The following POU6F2 variants were observed in gnomAD, a reference collection of about 807,000 sequenced individuals.
POU6F2 encodes POU class 6 homeobox 2.
In POU6F2, 31 loss-of-function variants were observed where a neutral mutation model predicts 71.3. That is an observed-to-expected ratio of 0.43 (90% CI 0.33 to 0.59). The LOEUF (loss-of-function observed/expected upper bound fraction) is 0.59, where lower values mean the gene tolerates loss of function less well. Ranked by LOEUF, POU6F2 falls within the 20% of genes least tolerant of loss-of-function variation. The probability of loss-of-function intolerance (pLI) is 0.04; values close to 1 mark genes in which losing one functional copy is unlikely to be tolerated. For synonymous variants in POU6F2, 347 were observed against 355.7 expected (o/e 0.98, Z 0.27); for missense variants, 783 against 856.8 (o/e 0.91, Z 1.07).
At chr7:39,259,300 A>T (rs149317424) in intron 4 of POU6F2, among the ~76,000 whole-genome samples, 1 of 152,174 alleles carries the variant, frequency 6.6e-6, no homozygotes, top group Non-Finnish European at 1.5e-5. Context: ...GTTTACTCAG[A>T]TGTAATCCTG....
chr7:39,456,071 T>G (rs1788795327), intron 8 of POU6F2, among the ~76,000 whole-genome samples: 1 of 152,200 alleles, frequency 6.6e-6, no homozygotes, highest in Non-Finnish European at 1.5e-5. Flanking sequence ...CTTTAATATA[T>G]CAGGCTCATG....
At chr7:39,077,393 T>A (rs1791023325) in intron 1 of POU6F2, among the ~76,000 whole-genome samples, 1 of 152,230 alleles carries the variant, frequency 6.6e-6, no homozygotes, top group African/African-American at 2.4e-5. Flanking sequence ...TTTGTAGAAG[T>A]CCAGAACTGG....
At chr7:39,263,396 T>G (rs1230530191) in intron 4 of POU6F2, among the ~76,000 whole-genome samples, 1 of 152,172 alleles carries the variant, frequency 6.6e-6, no homozygotes, top group Non-Finnish European at 1.5e-5. Flanking sequence ...GCAGTCAAGG[T>G]TTTTTTCTTT....
At chr7:39,085,778 A>G in intron 1 of POU6F2, 82 bp from the exon 2 acceptor site, 1 of 1,354,450 alleles carries the variant, frequency 7.4e-7, no homozygotes, top group South Asian at 1.3e-5. Flanking sequence ...GAGAGAAGAG[A>G]GAGGGAGAGG....
rs187862340 is a variant in POU6F2, at chr7:39,325,070, A to G, written c.599-14572A>G. Among the ~76,000 whole-genome samples, 133 of 152,344 alleles carry G rather than the reference A, an allele frequency of 8.7e-4. No individual in the cohort carries two copies. The Middle Eastern group carries it at 0.01, about 12-fold the overall frequency. ...GAATAATAATAATATTTATGATATG[A>G]GTAACTTTTAGCATTAACACGAGTA... is the stretch of plus-strand genomic sequence containing the variant. On this transcript the variant is annotated intron_variant, in intron 4 of 9. Coordinates refer to ENST00000518318, the MANE Select transcript of POU6F2 (RefSeq NM_001370959.1).
intron 4 of POU6F2, among the ~76,000 whole-genome samples, chr7:39,295,636 G>A (rs940861840): frequency 6.6e-6 from 1 of 152,166 alleles, no homozygotes; most frequent in Non-Finnish European, 1.5e-5. Context: ...GTTGGATATG[G>A]GAAAGAAGAG....
At chr7:39,018,019 A>G (rs1050066024) in intron 1 of POU6F2, among the ~76,000 whole-genome samples, 108 of 152,250 alleles carry the variant, frequency 7.1e-4, no homozygotes, top group African/African-American at 2.5e-3. Flanking sequence ...CAAATGTAGC[A>G]AACTTACGGT....
chr7:39,064,894 T>G (rs1160781480), intron 1 of POU6F2, among the ~76,000 whole-genome samples: 1 of 151,738 alleles, frequency 6.6e-6, no homozygotes, highest in African/African-American at 2.4e-5. Flanking sequence ...ACATTACACA[T>G]CAAATAACAA....
intron 1 of POU6F2, among the ~76,000 whole-genome samples, chr7:39,056,676 G>A (rs373404768): frequency 4.2e-5 from 5 of 120,426 alleles, no homozygotes; most frequent in African/African-American, 1.2e-4. Flanking sequence ...GTGTGTGTGT[G>A]TATGTGTGTG....
chr7:39,465,438 T>TG lies in POU6F2; in HGVS notation c.*752_*753insG. The TG allele has an allele frequency of 6.6e-6, 1 of 152,280 alleles. No homozygotes were observed. Among genetic ancestry groups the TG allele is most frequent in the Non-Finnish European group, 1.5e-5 (1 of 68,040 alleles). The allele number at this position is 152,280 out of a possible 1,614,324, so 9.4% of individuals were successfully genotyped here. On this transcript the variant is annotated 3_prime_UTR_variant, in exon 10 of 10. Coordinates refer to ENST00000518318, the MANE Select transcript of POU6F2 (RefSeq NM_001370959.1). ...TGGGGGTGGTAGGGAGGGTGGTCTTTTTTCTTTGTCTTTCTTTTTGACGGG... is the reference window on the plus strand; with the variant it reads ...TGGGGGTGGTAGGGAGGGTGGTCTTTGTTTCTTTGTCTTTCTTTTTGACGGG...
chr7:39,400,555 T>G (rs1787275480), intron 5 of POU6F2, among the ~76,000 whole-genome samples: 1 of 152,174 alleles, frequency 6.6e-6, no homozygotes, highest in South Asian at 2.1e-4. Context: ...CTGTCAGGTA[T>G]AGGGTATGAC....
At chr7:38,990,775 T>C (rs558639883) in intron 1 of POU6F2, among the ~76,000 whole-genome samples, 1 of 152,238 alleles carries the variant, frequency 6.6e-6, no homozygotes, top group South Asian at 2.1e-4. Flanking sequence ...GGGGACATGG[T>C]CATTGTTCAA....
intron 2 of POU6F2, among the ~76,000 whole-genome samples, chr7:39,133,422 A>G (rs1792329368): frequency 6.6e-6 from 1 of 152,250 alleles, no homozygotes; most frequent in Non-Finnish European, 1.5e-5. Context: ...CTTATCTGCA[A>G]TGAGTAGTCA....
intron 5 of POU6F2, among the ~76,000 whole-genome samples, chr7:39,402,333 A>C (rs1235839928): frequency 6.6e-6 from 1 of 152,204 alleles, no homozygotes; most frequent in East Asian, 1.9e-4. Flanking sequence ...ATTTATTCTC[A>C]TTATGAGATG....
In POU6F2 at chr7:39,328,434, T is replaced by C. The variant is rs1331702308; in HGVS notation, c.599-11208T>C. On this transcript the variant is annotated intron_variant, in intron 4 of 9. Transcript: ENST00000518318. ...GGGAACAAATATCTATTGTTGACTT[T>C]TCAAGAGAAGGTTCATGCCACAGTT... Among the ~76,000 whole-genome samples the C allele has an allele frequency of 3.3e-5, 5 of 152,340 alleles. 1 individual carries two copies. Among genetic ancestry groups the C allele is most frequent in the South Asian group, 4.1e-4 (2 of 4,830 alleles).
At chr7:39,439,256 G>T (rs1788330285) in intron 7 of POU6F2, among the ~76,000 whole-genome samples, 1 of 151,096 alleles carries the variant, frequency 6.6e-6, no homozygotes, top group Non-Finnish European at 1.5e-5. Context: ...GTGTGTCTTT[G>T]CACATGAGAT....
At chr7:39,213,384 T>TTTTG (rs2128747086) in intron 4 of POU6F2, among the ~76,000 whole-genome samples, 1 of 152,334 alleles carries the variant, frequency 6.6e-6, no homozygotes, top group South Asian at 2.1e-4. Flanking sequence ...TTATATTCCA[T>TTTTG]TTTGTTTGTA....
In POU6F2 at chr7:38,994,720, C is replaced by T. The variant is rs758386736; in HGVS notation, c.105+16662C>T. ...TTTCTTTACCACTACTCTTCCCCTCCCTGGTTCCCTGGTTCAGTCCCTCCT... is the reference window on the plus strand; with the variant it reads ...TTTCTTTACCACTACTCTTCCCCTCTCTGGTTCCCTGGTTCAGTCCCTCCT... On this transcript the variant is annotated intron_variant, in intron 1 of 9. Coordinates refer to ENST00000518318, the MANE Select transcript of POU6F2 (RefSeq NM_001370959.1). 3.9e-4 allele frequency among the ~76,000 whole-genome samples: 59 copies of T among 150,916 alleles called. 1 individual carries two copies. In the Middle Eastern group the frequency reaches 0.01, roughly 26 times the overall value.
intron 8 of POU6F2, among the ~76,000 whole-genome samples, chr7:39,453,227 A>G (rs1788702971): frequency 6.6e-6 from 1 of 152,072 alleles, no homozygotes. Context: ...TAGATATACA[A>G]CCCTCTCCAG....
Sources: gnomAD v4.1 joint callset for allele counts (sites outside exome capture counted in the v4.1 genomes callset) on GRCh38, gnomAD v4.1.1 for gene constraint, MANE v1.5 for transcripts, NCBI Gene and HGNC (gene_info 2026-07-23, HGNC 2026-07-21) for gene names.